The following PELI2 variants were observed in gnomAD, a reference collection of about 807,000 sequenced individuals.
PELI2 encodes pellino E3 ubiquitin protein ligase family member 2, also known as E3 ubiquitin-protein ligase pellino homolog 2.
PELI2 carries 23 observed loss-of-function variants against 42.3 expected under a neutral mutation model. The observed-to-expected ratio is 0.54, with a 90% CI of 0.39 to 0.77. PELI2 has a LOEUF of 0.77. Among genes scored for constraint, PELI2 ranks in the 30% least tolerant of loss-of-function variants. The pLI is 0.00. For missense variants in PELI2, 463 were observed against 553.2 expected (o/e 0.84, Z 1.64); for synonymous variants, 245 against 212.2 (o/e 1.15, Z -1.34).
Position 56,290,295 on chromosome 14 carries a change from G to A in PELI2, c.535G>A (p.Asp179Asn), listed in dbSNP as rs1256514001. Residue 179 changes from aspartate to asparagine, a missense_variant, in exon 5 of 6, where the codon GAC becomes AAC. Asp to Asn is a conservative substitution (Grantham distance 23). Around this residue, in one of 3 missense-constraint regions of PELI2, gnomAD observed 343 missense variants for 378.4 expected, o/e 0.91. Coordinates refer to ENST00000267460, the MANE Select transcript of PELI2 (RefSeq NM_021255.3). ...AAAGGCAGCAAAGTGGAAAAACCCC[G>A]ACGGCCACATGGATGGGCTCACTAC... ...GEKAAKWKNP[D>N]GHMDGLTTNG... The A allele has an allele frequency of 1.6e-5, 26 of 1,599,296 alleles. No individual in the cohort carries two copies. The highest frequency in any genetic ancestry group is 2.1e-5 in the Non-Finnish European group (25 of 1,169,656).
At position 56,218,726 on chromosome 14, in the gene PELI2, T is replaced by TG. The variant is rs879288965; in HGVS notation, c.207+40262_207+40263insG. ...GCGTGTGTGTGTGTGTGTGTGTGTG[T>TG]TTGAGAGAGAGAGAGGTTGGTGGGG... On this transcript the variant is annotated intron_variant, in intron 2 of 5. Coordinates refer to ENST00000267460, the MANE Select transcript of PELI2 (RefSeq NM_021255.3). Among the ~76,000 whole-genome samples, 64 of 150,496 alleles carry TG rather than the reference T, an allele frequency of 4.3e-4. 1 individual carries two copies. Among genetic ancestry groups the TG allele is most frequent in the East Asian group, 2.7e-3 (14 of 5,158 alleles).
At chr14:56,270,125 C>T (rs975871108) in intron 2 of PELI2, among the ~76,000 whole-genome samples, 2 of 152,228 alleles carry the variant, frequency 1.3e-5, no homozygotes, top group Non-Finnish European at 2.9e-5. Flanking sequence ...TATCGAATAG[C>T]TCAGTAAACC....
intron 1 of PELI2, among the ~76,000 whole-genome samples, chr14:56,132,267 T>G (rs1161779173): frequency 1.3e-5 from 2 of 152,204 alleles, no homozygotes; most frequent in African/African-American, 4.8e-5. Context: ...ATTCTAAAGC[T>G]CAAGTGTATT....
At chr14:56,139,326 G>T (rs1453389649) in intron 1 of PELI2, among the ~76,000 whole-genome samples, 1 of 152,056 alleles carries the variant, frequency 6.6e-6, no homozygotes, top group African/African-American at 2.4e-5. Flanking sequence ...CTTTGTGCTT[G>T]GTAGTTCTGT....
At position 56,169,312 on chromosome 14, in the gene PELI2, T is replaced by G. The variant is rs369386708; in HGVS notation, c.78-9023T>G. Among the ~76,000 whole-genome samples the G allele has an allele frequency of 2.6e-5, 4 of 152,274 alleles. No individual in the cohort carries two copies. In the South Asian group the frequency reaches 8.3e-4, roughly 32 times the overall value. On this transcript the variant is annotated intron_variant, in intron 1 of 5. Coordinates refer to ENST00000267460, the MANE Select transcript of PELI2 (RefSeq NM_021255.3). ...TCTGGCCTCGACTGCCCTCCAAGTT[T>G]ACATGGAGACACAGAGCACTGTATC...
At chr14:56,166,344 G>A (rs1884962921) in intron 1 of PELI2, among the ~76,000 whole-genome samples, 1 of 152,164 alleles carries the variant, frequency 6.6e-6, no homozygotes, top group Non-Finnish European at 1.5e-5. Context: ...GTCTTGAAAT[G>A]TTGATATAGG....
intron 2 of PELI2, among the ~76,000 whole-genome samples, chr14:56,239,266 G>A (rs923645633): frequency 1.3e-5 from 2 of 152,164 alleles, no homozygotes; most frequent in African/African-American, 4.8e-5. Context: ...AGAAAGTCTA[G>A]AAAGATGAAT....
intron 1 of PELI2, among the ~76,000 whole-genome samples, chr14:56,153,620 G>T (rs768925911): frequency 6.6e-6 from 1 of 151,982 alleles, no homozygotes; most frequent in Non-Finnish European, 1.5e-5. Flanking sequence ...CTATATAAAA[G>T]AATTAAATAT....
intron 1 of PELI2, among the ~76,000 whole-genome samples, chr14:56,156,828 A>G (rs1348102544): frequency 1.3e-5 from 2 of 152,212 alleles, no homozygotes; most frequent in African/African-American, 2.4e-5. Context: ...CATTATACCT[A>G]TAAGGTCATT....
intron 2 of PELI2, among the ~76,000 whole-genome samples, chr14:56,222,649 A>T (rs1048671387): frequency 2.6e-5 from 4 of 152,334 alleles, no homozygotes; most frequent in Admixed American, 1.3e-4. Flanking sequence ...GCTTAAGAGG[A>T]TAGGGAGCAG....
chr14:56,169,663 A>G (rs1885097483), intron 1 of PELI2, among the ~76,000 whole-genome samples: 1 of 152,124 alleles, frequency 6.6e-6, no homozygotes, highest in Non-Finnish European at 1.5e-5. Context: ...ATCAGTGCTT[A>G]CTTGATTTTT....
chr14:56,232,036 A>G (rs895540150), intron 2 of PELI2, among the ~76,000 whole-genome samples: 48 of 152,194 alleles, frequency 3.2e-4, no homozygotes, highest in Admixed American at 5.9e-4. Flanking sequence ...CTCGACACAT[A>G]CACCCTCCCA....
chr14:56,186,439 A>G (rs1885772241), intron 2 of PELI2, among the ~76,000 whole-genome samples: 1 of 152,242 alleles, frequency 6.6e-6, no homozygotes. Context: ...ACTTCTGGCA[A>G]ACAGATCTGT....
At chr14:56,214,624 T>A (rs1340653082) in intron 2 of PELI2, among the ~76,000 whole-genome samples, 1 of 152,200 alleles carries the variant, frequency 6.6e-6, no homozygotes, top group Non-Finnish European at 1.5e-5. Flanking sequence ...TTCTGCTGTA[T>A]GTCAGGGGCA....
At chr14:56,183,819 G>A (rs955749797) in intron 2 of PELI2, among the ~76,000 whole-genome samples, 5 of 152,086 alleles carry the variant, frequency 3.3e-5, no homozygotes, top group Non-Finnish European at 5.9e-5. Context: ...CAAGAAAAAT[G>A]GTTTCAATGA....
At chr14:56,223,036 CT>C (rs1418861804) in intron 2 of PELI2, among the ~76,000 whole-genome samples, 2 of 152,142 alleles carry the variant, frequency 1.3e-5, no homozygotes, top group Non-Finnish European at 2.9e-5. Context: ...GGGTAAATGG[CT>C]GCAGCCGACC....
rs1314278112 is a variant in PELI2 at position 56,289,916 on chromosome 14, A to G, written c.508-352A>G. Among the ~76,000 whole-genome samples, 4 of 152,206 alleles carry G rather than the reference A, an allele frequency of 2.6e-5. No individual in the cohort carries two copies. In the East Asian group the frequency reaches 7.7e-4, roughly 29 times the overall value. ...TACTTTTAGATAACAGGATAGGAGCATGGCATAAGTATAACTGAAAAGAGA... is the reference window on the plus strand; with the variant it reads ...TACTTTTAGATAACAGGATAGGAGCGTGGCATAAGTATAACTGAAAAGAGA... On this transcript the variant is annotated intron_variant, in intron 4 of 5. Coordinates refer to ENST00000267460, the MANE Select transcript of PELI2 (RefSeq NM_021255.3).
intron 1 of PELI2, among the ~76,000 whole-genome samples, chr14:56,173,905 G>T (rs1885270957): frequency 1.3e-5 from 2 of 152,106 alleles, no homozygotes; most frequent in East Asian, 3.9e-4. Flanking sequence ...TGACATGGAT[G>T]TATCTTTTTC....
At chr14:56,147,649 G>A (rs2139615298) in intron 1 of PELI2, among the ~76,000 whole-genome samples, 1 of 152,216 alleles carries the variant, frequency 6.6e-6, no homozygotes, top group African/African-American at 2.4e-5. Context: ...ATGAAATCTG[G>A]GAAAATACCC....
Sources: gnomAD v4.1 joint callset for allele counts (sites outside exome capture counted in the v4.1 genomes callset) on GRCh38, gnomAD v4.1.1 for gene constraint, gnomAD v4.1.1 regional missense constraint, MANE v1.5 for transcripts, NCBI Gene and HGNC (gene_info 2026-07-23, HGNC 2026-07-21) for gene names.